Variants in RANBP17 observed in about 807,000 individuals in gnomAD.
RANBP17 encodes the protein RAN binding protein 17, also known as ran-binding protein 17.
In RANBP17, 158 loss-of-function variants were observed where a neutral mutation model predicts 141.2. That is an observed-to-expected ratio of 1.12 (90% CI 0.98 to 1.28). The LOEUF is 1.28. RANBP17 is among the 50% of genes most tolerant of loss of function. The pLI is 0.00. For synonymous variants in RANBP17, 430 were observed against 450.0 expected, an observed-to-expected ratio of 0.96 and a Z score of 0.56; for missense variants, 1,438 against 1,290.7, an observed-to-expected ratio of 1.11 and a Z score of -1.75.
At chr5:171,106,900 C>T (rs1414220074) in intron 14 of RANBP17, among the ~76,000 whole-genome samples, 4 of 151,924 alleles carry the variant, frequency 2.6e-5, no homozygotes, top group African/African-American at 9.7e-5. Context: ...ATTTACATAA[C>T]TAAAAGTTTA....
At chr5:171,100,979 T>A (rs1787116254) in intron 14 of RANBP17, among the ~76,000 whole-genome samples, 1 of 152,210 alleles carries the variant, frequency 6.6e-6, no homozygotes, top group Admixed American at 6.5e-5. Flanking sequence ...TTGTTATGAT[T>A]TCTGTTCTTT....
At chr5:171,260,626 A>G (rs925869695) in intron 24 of RANBP17, among the ~76,000 whole-genome samples, 1 of 152,154 alleles carries the variant, frequency 6.6e-6, no homozygotes, top group Non-Finnish European at 1.5e-5. Context: ...ACAAAAAGGT[A>G]TTGTAGTCAG....
chr5:171,296,023 T>C lies in RANBP17; in HGVS notation c.3170+9T>C. On this transcript the variant is annotated intron_variant, in intron 27 of 27. Transcript: ENST00000523189. ...GTCAAGAACAGAGACAGGTGAGCAT[T>C]GCCCAGTAGTGTGTCACTGGGGGAA... 1.2e-6 allele frequency: 2 copies of C among 1,610,450 alleles called. No individual in the cohort carries two copies. The highest frequency in any genetic ancestry group is 1.7e-6 in the Non-Finnish European group (2 of 1,177,818).
intron 9 of RANBP17, 42 bp downstream of exon 9, chr5:170,916,626 GT>G: frequency 1.5e-6 from 2 of 1,297,926 alleles, no homozygotes; most frequent in Admixed American, 2.5e-5. Flanking sequence ...TAGAGATACA[GT>G]TTTTCAGCTA....
chr5:171,089,933 C>G (rs1581609325), intron 14 of RANBP17, among the ~76,000 whole-genome samples: 1 of 152,338 alleles, frequency 6.6e-6, no homozygotes, highest in African/African-American at 2.4e-5. Context: ...GTCGCTCACA[C>G]TGGGAGCTGT....
intron 14 of RANBP17, among the ~76,000 whole-genome samples, chr5:171,021,985 C>T (rs1440686461): frequency 6.6e-6 from 1 of 151,876 alleles, no homozygotes; most frequent in Non-Finnish European, 1.5e-5. Flanking sequence ...TGTTGATGCT[C>T]CTGTTGTTGC....
At chr5:171,089,227 G>A (rs1182542894) in intron 14 of RANBP17, among the ~76,000 whole-genome samples, 1 of 116,254 alleles carries the variant, frequency 8.6e-6, no homozygotes, top group Admixed American at 8.8e-5. Context: ...AGTGTGAGGT[G>A]TCAGTGTGCC....
At chr5:171,212,696 G>T (rs957451541) in intron 20 of RANBP17, among the ~76,000 whole-genome samples, 1 of 152,172 alleles carries the variant, frequency 6.6e-6, no homozygotes, top group African/African-American at 2.4e-5. Context: ...TGAGCATTTT[G>T]ATCTGAAACA....
rs1449074921 is a variant in RANBP17 at position 171,089,035 on chromosome 5, T to C, written c.1711-81095T>C. ...CTGCGTTCCTTTGGAGGAGGAGAGGTGCTCTGCGTTTTAGAGTTTCCAGTT... is the reference window on the plus strand; with the variant it reads ...CTGCGTTCCTTTGGAGGAGGAGAGGCGCTCTGCGTTTTAGAGTTTCCAGTT... On this transcript the variant is annotated intron_variant, in intron 14 of 27. Transcript: ENST00000523189. 4.8e-3 allele frequency among the ~76,000 whole-genome samples: 728 copies of C among 151,962 alleles called. 3 individuals are homozygous for C. Among genetic ancestry groups the C allele is most frequent in the African/African-American group, 0.015 (640 of 41,480 alleles).
chr5:170,862,269 C>G (rs967512049), intron 1 of RANBP17, among the ~76,000 whole-genome samples: 3 of 152,120 alleles, frequency 2.0e-5, no homozygotes, highest in Non-Finnish European at 2.9e-5. Flanking sequence ...AAGGGGCGGC[C>G]GAGCCTGGGT....
chr5:171,006,538 T>G (rs1383615948), intron 14 of RANBP17, among the ~76,000 whole-genome samples: 1 of 151,998 alleles, frequency 6.6e-6, no homozygotes, highest in African/African-American at 2.4e-5. Context: ...TAGGTGGGAA[T>G]TGAACAATGA....
intron 12 of RANBP17, among the ~76,000 whole-genome samples, chr5:170,951,578 T>G (rs562727027): frequency 6.6e-6 from 1 of 152,246 alleles, no homozygotes; most frequent in South Asian, 2.1e-4. Flanking sequence ...AGTGGTTGTT[T>G]AGAAGCTAGG....
intron 14 of RANBP17, among the ~76,000 whole-genome samples, chr5:171,108,658 C>T (rs1755014437): frequency 2.0e-5 from 3 of 152,134 alleles, no homozygotes; most frequent in African/African-American, 7.2e-5. Flanking sequence ...GTGATCCACC[C>T]ACCTCTGCTT....
chr5:171,003,094 G>A (rs919443564), intron 14 of RANBP17, among the ~76,000 whole-genome samples: 8 of 152,276 alleles, frequency 5.3e-5, no homozygotes, highest in Non-Finnish European at 7.4e-5. Context: ...GGGCAATGGC[G>A]GCCGCTGCAC....
intron 1 of RANBP17, among the ~76,000 whole-genome samples, chr5:170,870,207 A>G (rs559292980): frequency 5.3e-5 from 8 of 152,288 alleles, no homozygotes; most frequent in South Asian, 2.1e-4. Context: ...ATATATAAAT[A>G]CATATTTAAT....
At chr5:171,244,993 G>A (rs1765126046) in intron 24 of RANBP17, among the ~76,000 whole-genome samples, 1 of 151,900 alleles carries the variant, frequency 6.6e-6, no homozygotes, top group Non-Finnish European at 1.5e-5. Flanking sequence ...GCCGGGCTTG[G>A]TAGCGGGCAC....
intron 12 of RANBP17, among the ~76,000 whole-genome samples, chr5:170,951,854 A>G (rs188098819): frequency 1.3e-5 from 2 of 152,192 alleles, no homozygotes; most frequent in Admixed American, 1.3e-4. Flanking sequence ...TGATTATGAT[A>G]TAAATATTGT....
intron 20 of RANBP17, among the ~76,000 whole-genome samples, chr5:171,210,068 T>A (rs1477259521): frequency 6.6e-6 from 1 of 152,196 alleles, no homozygotes; most frequent in African/African-American, 2.4e-5. Context: ...TGCCTTTGAT[T>A]TTTAATTTAT....
intron 14 of RANBP17, among the ~76,000 whole-genome samples, chr5:171,111,371 C>CT (rs1172368623): frequency 2.6e-5 from 4 of 152,098 alleles, no homozygotes; most frequent in African/African-American, 9.7e-5. Context: ...CATCTGGATG[C>CT]TTTATCTTCC....
Sources: allele counts gnomAD v4.1 joint callset (sites outside exome capture counted in the v4.1 genomes callset), GRCh38; gene constraint gnomAD v4.1.1; transcripts MANE v1.5; gene names NCBI Gene and HGNC (gene_info 2026-07-23, HGNC 2026-07-21).